Variants in MAP2K1 observed in about 807,000 individuals in gnomAD.
MAP2K1 encodes mitogen-activated protein kinase kinase 1, also known as dual specificity mitogen-activated protein kinase kinase 1.
A neutral mutation model predicts 46.3 loss-of-function variants in MAP2K1; 16 were observed. That is an observed-to-expected ratio of 0.35 (90% CI 0.23 to 0.52). MAP2K1 has a LOEUF of 0.52. Ranked by LOEUF, MAP2K1 falls within the 20% of genes least tolerant of loss-of-function variation. The pLI is 0.94. For synonymous variants in MAP2K1, 183 were observed against 185.6 expected (o/e 0.99, Z 0.11); for missense variants, 263 against 497.1 (o/e 0.53, Z 4.48).
chr15:66,446,079 G>A (rs571074325), intron 5 of MAP2K1, among the ~76,000 whole-genome samples: 15 of 152,182 alleles, frequency 9.9e-5, no homozygotes, highest in Admixed American at 8.5e-4. Flanking sequence ...CCGAAAATTA[G>A]CCGGGCGTGG....
chr15:66,420,343 G>T (rs1268587183), intron 1 of MAP2K1, among the ~76,000 whole-genome samples: 1 of 152,048 alleles, frequency 6.6e-6, no homozygotes. Context: ...AAGGTGGGTG[G>T]ACCACTTGAG....
chr15:66,469,148 C>T lies in MAP2K1; in HGVS notation c.569-12607C>T, dbSNP rs1018825661. 2.0e-4 allele frequency among the ~76,000 whole-genome samples: 30 copies of T among 146,476 alleles called. No individual in the cohort carries two copies. The East Asian group carries it at 6.0e-3, about 29-fold the overall frequency. On this transcript the variant is annotated intron_variant, in intron 5 of 10. Transcript: ENST00000307102. ...GCAGGCGCCTGTAACCCCAGCTACT[C>T]CGGAGGCTGAGGCAGGAGAATCGCT...
At chr15:66,418,117 G>A (rs1271681611) in intron 1 of MAP2K1, among the ~76,000 whole-genome samples, 1 of 152,208 alleles carries the variant, frequency 6.6e-6, no homozygotes, top group Non-Finnish European at 1.5e-5. Flanking sequence ...CCGTTGCAGA[G>A]TTTTGGGGAA....
At chr15:66,417,632 C>G (rs1306059169) in intron 1 of MAP2K1, among the ~76,000 whole-genome samples, 1 of 152,122 alleles carries the variant, frequency 6.6e-6, no homozygotes, top group Non-Finnish European at 1.5e-5. Context: ...AGTCCTGATC[C>G]TGAAATCAGG....
intron 1 of MAP2K1, 99 bp downstream of exon 1, chr15:66,387,526 C>A: frequency 8.2e-7 from 1 of 1,224,502 alleles, no homozygotes; most frequent in Non-Finnish European, 1.2e-6. Flanking sequence ...TTGTCACGTA[C>A]GTCTGGGGCT....
intron 5 of MAP2K1, among the ~76,000 whole-genome samples, chr15:66,475,748 C>A (rs1874575371): frequency 6.6e-6 from 1 of 152,152 alleles, no homozygotes; most frequent in Non-Finnish European, 1.5e-5. Context: ...TAGAACGAGT[C>A]CACGGGGCCT....
At chr15:66,404,730 A>T (rs962379395) in intron 1 of MAP2K1, among the ~76,000 whole-genome samples, 2 of 152,178 alleles carry the variant, frequency 1.3e-5, no homozygotes, top group African/African-American at 2.4e-5. Flanking sequence ...GTCCCTGGGA[A>T]GAGTTTGTAA....
intron 5 of MAP2K1, among the ~76,000 whole-genome samples, chr15:66,478,534 CTT>C (rs202060413): frequency 0.011 from 1,675 of 146,078 alleles, 63 homozygotes; most frequent in East Asian, 0.075. Context: ...GAGTGTCACT[CTT>C]TGCCCAGGCT....
At chr15:66,478,283 A>G (rs1892809586) in intron 5 of MAP2K1, among the ~76,000 whole-genome samples, 1 of 146,878 alleles carries the variant, frequency 6.8e-6, no homozygotes, top group Admixed American at 6.9e-5. Context: ...TAACATATAT[A>G]TATATACTAT....
At chr15:66,490,385 T>TG (rs1364494157) in intron 10 of MAP2K1, 117 bp from the exon 11 acceptor site, 1 of 805,876 alleles carries the variant, frequency 1.2e-6, no homozygotes, top group East Asian at 2.4e-5. Context: ...AGGTGCCAGG[T>TG]GCTCTTTCCA....
chr15:66,404,524 A>G (rs2093391279), intron 1 of MAP2K1, among the ~76,000 whole-genome samples: 1 of 152,234 alleles, frequency 6.6e-6, no homozygotes, highest in Admixed American at 6.5e-5. Context: ...CCATAAAGGT[A>G]GCTTGCTGCA....
At chr15:66,446,600 C>A in intron 5 of MAP2K1, 1 of 262,028 alleles carries the variant, frequency 3.8e-6, no homozygotes, top group Non-Finnish European at 8.4e-6. Flanking sequence ...TTTGGTTTAC[C>A]ACCAGGAGTC....
intron 1 of MAP2K1, among the ~76,000 whole-genome samples, 176 bp downstream of exon 1, chr15:66,387,603 C>A (rs577343530): frequency 6.6e-6 from 1 of 151,050 alleles, no homozygotes; most frequent in Non-Finnish European, 1.5e-5. Context: ...GTTCCTGACT[C>A]AGACCAGTTA....
rs1420627553 is a variant in MAP2K1, at chr15:66,444,673, A to T, written c.534A>T (p.Thr178=). The T allele has an allele frequency of 6.2e-7, 1 of 1,612,390 alleles. No individual in the cohort carries two copies. Among genetic ancestry groups the T allele is most frequent in the African/African-American group, 1.3e-5 (1 of 74,890 alleles). ...KVSIAVIKGL[T]YLREKHKIMH... is the part of the protein sequence containing the mutation. ...TCCTCTAGGTAATAAAAGGCCTGAC[A>T]TATCTGAGGGAGAAGCACAAGATCA... is the stretch of plus-strand genomic sequence containing the variant. Residue 178 remains threonine (T), a synonymous_variant, in exon 5 of 11, where the codon ACA becomes ACT. Transcript: ENST00000307102.
chr15:66,479,232 G>C (rs1288347317), intron 5 of MAP2K1, among the ~76,000 whole-genome samples: 2 of 152,000 alleles, frequency 1.3e-5, no homozygotes, highest in Admixed American at 1.3e-4. Flanking sequence ...GAGTAGCTGG[G>C]GATTACAGGC....
In MAP2K1 at chr15:66,455,562, C is replaced by CAGGT; in HGVS notation, c.568+10856_568+10857insGGTA. The stretch of plus-strand genomic sequence containing the variant: ...AGGTACCATTTAGTTACTGTTTTTC[C>CAGGT]ACCTAGGTGGTAGCCTCTTGAACAT... On this transcript the variant is annotated intron_variant, in intron 5 of 10. Coordinates refer to ENST00000307102, the MANE Select transcript of MAP2K1 (RefSeq NM_002755.4). 2.0e-5 allele frequency among the ~76,000 whole-genome samples: 3 copies of CAGGT among 148,562 alleles called. No individual in the cohort carries two copies. The South Asian group carries it at 6.2e-4, about 31-fold the overall frequency.
intron 1 of MAP2K1, among the ~76,000 whole-genome samples, chr15:66,403,855 G>A (rs2093388809): frequency 1.3e-5 from 2 of 152,084 alleles, no homozygotes; most frequent in Admixed American, 1.3e-4. Context: ...TGCCCCCTTT[G>A]CTGCTTTCAT....
chr15:66,489,369 CAG>C (rs1241992089), intron 9 of MAP2K1, 93 bp downstream of exon 9: 7 of 1,235,530 alleles, frequency 5.7e-6, no homozygotes, highest in South Asian at 2.4e-5. Context: ...CTTCTGCAGG[CAG>C]AGTTTTGCCC....
chr15:66,465,040 T>C (rs1321309799), intron 5 of MAP2K1, among the ~76,000 whole-genome samples: 1 of 150,386 alleles, frequency 6.6e-6, no homozygotes, highest in South Asian at 2.1e-4. Context: ...CTGGCCAACA[T>C]GGTGAAACCC....
Sources: gnomAD v4.1 joint callset for allele counts (sites outside exome capture counted in the v4.1 genomes callset) on GRCh38, gnomAD v4.1.1 for gene constraint, MANE v1.5 for transcripts, NCBI Gene and HGNC (gene_info 2026-07-23, HGNC 2026-07-21) for gene names.